UTRN: variants seen among roughly 807,000 people sequenced by gnomAD.
UTRN encodes the protein utrophin, also known as dystrophin-related protein 1.
UTRN carries 283 observed loss-of-function variants against 463.9 expected under a neutral mutation model. The observed-to-expected ratio is 0.61, with a 90% CI of 0.55 to 0.67. The LOEUF (loss-of-function observed/expected upper bound fraction) is 0.67, where lower values mean the gene tolerates loss of function less well. UTRN is among the 30% of genes least tolerant of loss of function. UTRN has a pLI of 0.00. For synonymous variants in UTRN, 1,442 were observed against 1,431.5 expected (o/e 1.01, Z -0.17); for missense variants, 3,922 against 4,084.3 (o/e 0.96, Z 1.08).
chr6:144,332,997 G>A (rs886187478), intron 2 of UTRN, among the ~76,000 whole-genome samples: 13 of 151,294 alleles, frequency 8.6e-5, no homozygotes, highest in East Asian at 1.9e-4. Context: ...GCAGTGGTGC[G>A]ATCTTGGCTC....
intron 53 of UTRN, among the ~76,000 whole-genome samples, chr6:144,718,026 G>T (rs9497057): frequency 2.0e-5 from 3 of 151,980 alleles, no homozygotes; most frequent in Non-Finnish European, 4.4e-5. Flanking sequence ...TCCTGCAAAC[G>T]GAGGGCTTTG....
At chr6:144,553,674 T>C (rs1799125334) in intron 48 of UTRN, among the ~76,000 whole-genome samples, 1 of 152,044 alleles carries the variant, frequency 6.6e-6, no homozygotes, top group East Asian at 1.9e-4. Context: ...CCCAACACTT[T>C]GGGAGGCCGA....
At chr6:144,482,429 A>G (rs777317239) in intron 27 of UTRN, 41 bp downstream of exon 27, 3 of 1,152,140 alleles carry the variant, frequency 2.6e-6, no homozygotes, top group South Asian at 3.2e-5. Flanking sequence ...TATTATTATT[A>G]TTATTATTAT....
At chr6:144,483,119 T>A (rs1222594264) in intron 27 of UTRN, among the ~76,000 whole-genome samples, 2 of 152,236 alleles carry the variant, frequency 1.3e-5, no homozygotes, top group Non-Finnish European at 2.9e-5. Flanking sequence ...TGGTAAAAAA[T>A]GGCAACTGCA....
intron 51 of UTRN, among the ~76,000 whole-genome samples, chr6:144,598,306 G>C (rs948212647): frequency 6.6e-6 from 1 of 152,196 alleles, no homozygotes; most frequent in East Asian, 1.9e-4. Flanking sequence ...CTTCCATGTC[G>C]TAGGAGGATT....
chr6:144,316,858 G>A (rs1211393938), intron 2 of UTRN, among the ~76,000 whole-genome samples: 1 of 152,240 alleles, frequency 6.6e-6, no homozygotes, highest in Admixed American at 6.5e-5. Context: ...TTTAAAAAAT[G>A]CCCCATCTAA....
At chr6:144,395,633 G>A (rs1782338382) in intron 2 of UTRN, among the ~76,000 whole-genome samples, 2 of 152,108 alleles carry the variant, frequency 1.3e-5, no homozygotes, top group Admixed American at 1.3e-4. Flanking sequence ...GGAATTAATG[G>A]TTACATTTAA....
chr6:144,748,481 T>C lies in UTRN; in HGVS notation c.8175T>C (p.Ile2725=), dbSNP rs768754124. The change falls in exon 55 of 75, where the codon ATT becomes ATC. Residue 2725 remains isoleucine, a synonymous_variant. Coordinates refer to ENST00000367545, the MANE Select transcript of UTRN (RefSeq NM_007124.3). Reference sequence around the variant, plus strand: ...GGAAGCCCGTGGGAGACTTACTCATTGACTCGCTGCAGGATCACATTGAAA... The same window carrying C: ...GGAAGCCCGTGGGAGACTTACTCATCGACTCGCTGCAGGATCACATTGAAA... ...NGWKPVGDLL[I]DSLQDHIEKI... 2.5e-6 allele frequency: 4 copies of C among 1,613,958 alleles called. No homozygotes were observed. The highest frequency in any genetic ancestry group is 3.4e-6 in the Non-Finnish European group (4 of 1,179,882).
intron 50 of UTRN, among the ~76,000 whole-genome samples, chr6:144,573,034 T>G (rs571276541): frequency 6.6e-6 from 1 of 152,230 alleles, no homozygotes; most frequent in African/African-American, 2.4e-5. Context: ...GCATTCCTAT[T>G]TCTCCACATC....
chr6:144,660,936 A>G (rs990030069), intron 51 of UTRN, among the ~76,000 whole-genome samples: 2 of 152,238 alleles, frequency 1.3e-5, no homozygotes, highest in Non-Finnish European at 2.9e-5. Flanking sequence ...AGCCTGCCAA[A>G]TACTACCTTA....
chr6:144,797,915 G>C lies in UTRN; in HGVS notation c.9170G>C (p.Arg3057Pro). The C allele has an allele frequency of 6.2e-7, 1 of 1,614,114 alleles. No homozygotes were observed. Among genetic ancestry groups the C allele is most frequent in the Non-Finnish European group, 8.5e-7 (1 of 1,180,004 alleles). ...ATGGTTTGGCTCCCAGTTTTACATC[G>C]AGTGGCAGCAGCGGAGACTGCAAAA... is the stretch of plus-strand genomic sequence containing the variant. ...QSMVWLPVLH[R>P]VAAAETAKHQ... Residue 3057 changes from arginine to proline, a missense_variant, in exon 64 of 75, where the codon CGA (arginine) becomes CCA (proline). Coordinates refer to ENST00000367545, the MANE Select transcript of UTRN (RefSeq NM_007124.3).
chr6:144,287,149 G>A (rs1282964899), intron 1 of UTRN, among the ~76,000 whole-genome samples: 1 of 152,238 alleles, frequency 6.6e-6, no homozygotes, highest in Non-Finnish European at 1.5e-5. Context: ...CCTGCGGATA[G>A]CTCAGGGTCA....
intron 54 of UTRN, among the ~76,000 whole-genome samples, chr6:144,736,823 G>A (rs1789462483): frequency 6.6e-6 from 1 of 152,158 alleles, no homozygotes; most frequent in African/African-American, 2.4e-5. Context: ...TGGGAGCCAG[G>A]CTCCTCACTA....
At chr6:144,466,609 G>T (rs1333667169) in intron 23 of UTRN, among the ~76,000 whole-genome samples, 1 of 152,040 alleles carries the variant, frequency 6.6e-6, no homozygotes, top group Non-Finnish European at 1.5e-5. Context: ...ACATGAAATG[G>T]GTATTTCTTT....
intron 30 of UTRN, 85 bp downstream of exon 30, chr6:144,488,919 C>G (rs2128578027): frequency 7.8e-7 from 1 of 1,288,178 alleles, no homozygotes; most frequent in Non-Finnish European, 1.0e-6. Flanking sequence ...CCCTCCTGCT[C>G]TCCAAAACCG....
intron 52 of UTRN, among the ~76,000 whole-genome samples, chr6:144,690,095 T>TTGTGTGTGTGTGTGTGTGTGTG (rs1554339292): frequency 9.0e-5 from 3 of 33,460 alleles, no homozygotes; most frequent in African/African-American, 2.9e-4. Flanking sequence ...TTTTTTTTTT[T>TTGTGTGTGTGTGTGTGTGTGTG]TGTGTGTGTG....
At chr6:144,583,287 C>T in intron 51 of UTRN, 1 of 417,948 alleles carries the variant, frequency 2.4e-6, no homozygotes, top group East Asian at 3.5e-5. Flanking sequence ...TTCTCTGTGG[C>T]GTTTGTCTGT....
chr6:144,835,239 C>T (rs541343931), intron 69 of UTRN, among the ~76,000 whole-genome samples: 1 of 152,220 alleles, frequency 6.6e-6, no homozygotes, highest in Admixed American at 6.5e-5. Flanking sequence ...CTAAAAATGA[C>T]CTGCTAATAA....
At chr6:144,346,258 T>C (rs898359389) in intron 2 of UTRN, among the ~76,000 whole-genome samples, 2 of 152,160 alleles carry the variant, frequency 1.3e-5, no homozygotes, top group Admixed American at 1.3e-4. Context: ...GCTGTGCTGG[T>C]TGAGTTCTGG....
Sources: gnomAD v4.1 joint callset for allele counts (sites outside exome capture counted in the v4.1 genomes callset) on GRCh38, gnomAD v4.1.1 for gene constraint, MANE v1.5 for transcripts, NCBI Gene and HGNC (gene_info 2026-07-23, HGNC 2026-07-21) for gene names.